Variants in CLEC19A observed in about 807,000 individuals in gnomAD.
CLEC19A encodes C-type lectin domain containing 19A.
A neutral mutation model predicts 26.1 loss-of-function variants in CLEC19A; 21 were observed. The observed-to-expected ratio is 0.80, with a 90% CI of 0.57 to 1.16. The LOEUF is 1.16. Ranked by LOEUF, CLEC19A falls within the 50% of genes most tolerant of loss-of-function variation. The probability of loss-of-function intolerance (pLI) is 0.00; values close to 1 mark genes in which losing one functional copy is unlikely to be tolerated. For missense variants in CLEC19A, 224 were observed against 227.6 expected, an observed-to-expected ratio of 0.98 and a Z score of 0.10; for synonymous variants, 89 against 88.6, an observed-to-expected ratio of 1.00 and a Z score of -0.03.
At chr16:19,306,746 A>C (rs961421750) in intron 3 of CLEC19A, among the ~76,000 whole-genome samples, 2 of 145,704 alleles carry the variant, frequency 1.4e-5, no homozygotes, top group Admixed American at 1.4e-4. Context: ...ACTCCACCAC[A>C]CAGATGTGGA....
rs1898053051 is a variant in CLEC19A, at chr16:19,310,731, G to A, written c.*1648G>A. On this transcript the variant is annotated 3_prime_UTR_variant, in exon 5 of 5. Coordinates refer to ENST00000636231, the MANE Select transcript of CLEC19A (RefSeq NM_001256720.2). ...CCATATATATGAAATATCCAGAATA[G>A]GCAAGTCTATAGAGATGGAAAGTGG... 6.6e-6 allele frequency: 1 copy of A among 152,196 alleles called. No homozygotes were observed. The highest frequency in any genetic ancestry group is 2.1e-4 in the South Asian group (1 of 4,820). The allele number at this position is 152,196 out of a possible 1,614,324, so 9.4% of individuals were successfully genotyped here.
At chr16:19,300,525 G>C (rs1400669958) in intron 2 of CLEC19A, among the ~76,000 whole-genome samples, 1 of 149,964 alleles carries the variant, frequency 6.7e-6, no homozygotes, top group African/African-American at 2.5e-5. Context: ...TCCAGTCTAG[G>C]TGACAGAGCG....
chr16:19,307,757 G>A, intron 4 of CLEC19A, 80 bp downstream of exon 4: 1 of 1,516,116 alleles, frequency 6.6e-7, no homozygotes, highest in Non-Finnish European at 8.9e-7. Flanking sequence ...AGGGCCTTGG[G>A]GGAAGAGGAG....
rs532790206 is a variant in CLEC19A at position 19,288,311 on chromosome 16, G to C, written c.88+2372G>C. Among the ~76,000 whole-genome samples the C allele has an allele frequency of 2.6e-5, 4 of 152,292 alleles. No homozygotes were observed. The East Asian group carries it at 7.7e-4, about 29-fold the overall frequency. On this transcript the variant is annotated intron_variant, in intron 1 of 4. Coordinates refer to ENST00000636231, the MANE Select transcript of CLEC19A (RefSeq NM_001256720.2). ...TGGGCAGGAGCGTGTGTGTTGGTAT[G>C]TTGTAGGGAGGATTTAGGGGTCTCT...
rs756851567 is a variant in CLEC19A, at chr16:19,304,137, C to T, written c.330C>T (p.Gly110=). The change falls in exon 3 of 5, where the codon GGC becomes GGT. Residue 110 remains glycine, a synonymous_variant. Transcript: ENST00000636231. ...GCATCCCAGCTGACGTCTGGACAGGCCTTCATGATCACAGACAGGTGAGAA... is the reference window on the plus strand; with the variant it reads ...GCATCCCAGCTGACGTCTGGACAGGTCTTCATGATCACAGACAGGTGAGAA... ...VPGIPADVWT[G]LHDHRQEGQF... is the part of the protein sequence containing the mutation. The T allele has an allele frequency of 2.1e-5, 32 of 1,550,478 alleles. No individual in the cohort carries two copies. Among genetic ancestry groups the T allele is most frequent in the Non-Finnish European group, 2.6e-5 (30 of 1,146,970 alleles).
rs1388589376 is a variant in CLEC19A at position 19,309,837 on chromosome 16, T to G, written c.*754T>G. 1.3e-5 allele frequency: 2 copies of G among 151,312 alleles called. No homozygotes were observed. Among genetic ancestry groups the G allele is most frequent in the African/African-American group, 4.9e-5 (2 of 41,138 alleles). 9.4% of individuals were successfully genotyped at this position (151,312 alleles called of 1,614,324 possible). On this transcript the variant is annotated 3_prime_UTR_variant, in exon 5 of 5. Coordinates refer to ENST00000636231, the MANE Select transcript of CLEC19A (RefSeq NM_001256720.2). ...TTTTTTTTTTTAAATAGAGACGAGG[T>G]TTCATCATGTCATCCAAGCTGGTTT...
At chr16:19,286,331 A>G (rs982108901) in intron 1 of CLEC19A, among the ~76,000 whole-genome samples, 6 of 152,196 alleles carry the variant, frequency 3.9e-5, no homozygotes, top group African/African-American at 1.4e-4. Flanking sequence ...TTTGTGAGGG[A>G]TTTGGCATCT....
rs1898050483 is a variant in CLEC19A, at chr16:19,310,623, T to C, written c.*1540T>C. ...AATATTATTCAAGCATAAAAAGGAA[T>C]GAAGTAACGATAGATACTACAACCT... On this transcript the variant is annotated 3_prime_UTR_variant, in exon 5 of 5. Coordinates refer to ENST00000636231, the MANE Select transcript of CLEC19A (RefSeq NM_001256720.2). The C allele has an allele frequency of 6.6e-6, 1 of 152,118 alleles. No homozygotes were observed. The highest frequency in any genetic ancestry group is 1.5e-5 in the Non-Finnish European group (1 of 68,018). 9.4% of individuals were successfully genotyped at this position (152,118 alleles called of 1,614,324 possible). A position where few individuals can be genotyped will look rare whatever the true frequency, so the allele number is the denominator to read the frequency against.
Position 19,309,232 on chromosome 16 carries a change from G to C in CLEC19A, c.*149G>C. 1.7e-6 allele frequency: 1 copy of C among 579,460 alleles called. No homozygotes were observed. Among genetic ancestry groups the C allele is most frequent in the Non-Finnish European group, 2.9e-6 (1 of 344,414 alleles). 35.9% of individuals were successfully genotyped at this position (579,460 alleles called of 1,614,324 possible). A position where few individuals can be genotyped will look rare whatever the true frequency, so the allele number is the denominator to read the frequency against. On this transcript the variant is annotated 3_prime_UTR_variant, in exon 5 of 5. Transcript: ENST00000636231. The stretch of plus-strand genomic sequence containing the variant: ...TAAACAAGCAGATCTTAATTATACA[G>C]GGTGGTCACTTGGCCAAGTGTCAGG...
rs1381313094 is a variant in CLEC19A at position 19,285,988 on chromosome 16, C to T, written c.88+49C>T. On this transcript the variant is annotated intron_variant, in intron 1 of 4. Transcript: ENST00000636231. Reference sequence around the variant, plus strand: ...GAGCAGGTGGAGAGGAGTACACTCTCAGGAACTTATTCTATCGGTGAGGCC... The same window carrying T: ...GAGCAGGTGGAGAGGAGTACACTCTTAGGAACTTATTCTATCGGTGAGGCC... The T allele has an allele frequency of 3.3e-6, 5 of 1,521,946 alleles. No individual in the cohort carries two copies. In the South Asian group the frequency reaches 4.8e-5, roughly 15 times the overall value. 94.3% of individuals were successfully genotyped at this position (1,521,946 alleles called of 1,614,324 possible).
In CLEC19A at chr16:19,309,995, G is replaced by C. The variant is rs889655172; in HGVS notation, c.*912G>C. 1.3e-5 allele frequency: 2 copies of C among 152,058 alleles called. No individual in the cohort carries two copies. The highest frequency in any genetic ancestry group is 1.5e-5 in the Non-Finnish European group (1 of 68,020). The allele number at this position is 152,058 out of a possible 1,614,324, so 9.4% of individuals were successfully genotyped here. A position where few individuals can be genotyped will look rare whatever the true frequency, so the allele number is the denominator to read the frequency against. ...AACACATGGGCTCAAAGATGAGGCT[G>C]GTTCTTCAAAGGAAAACAAAAAGAT... On this transcript the variant is annotated 3_prime_UTR_variant, in exon 5 of 5. Coordinates refer to ENST00000636231, the MANE Select transcript of CLEC19A (RefSeq NM_001256720.2).
At chr16:19,298,965 G>A in intron 2 of CLEC19A, 127 bp downstream of exon 2, 2 of 1,054,794 alleles carry the variant, frequency 1.9e-6, no homozygotes, top group Non-Finnish European at 2.7e-6. Context: ...TGGAGATGGA[G>A]TCTTGCTATG....
At chr16:19,292,076 C>A (rs2143008871) in intron 1 of CLEC19A, among the ~76,000 whole-genome samples, 1 of 152,312 alleles carries the variant, frequency 6.6e-6, no homozygotes, top group South Asian at 2.1e-4. Context: ...CCCTTTTCCC[C>A]TTCTCACTCC....
chr16:19,301,182 T>C (rs1348422043), intron 2 of CLEC19A, among the ~76,000 whole-genome samples: 4 of 152,194 alleles, frequency 2.6e-5, no homozygotes, highest in Non-Finnish European at 5.9e-5. Flanking sequence ...TAGACAGCCC[T>C]CATTGTACTT....
intron 2 of CLEC19A, among the ~76,000 whole-genome samples, chr16:19,301,724 C>A (rs1469705931): frequency 1.0e-5 from 1 of 96,774 alleles, no homozygotes; most frequent in Non-Finnish European, 2.1e-5. Flanking sequence ...ACACCATGCC[C>A]AGGTTTTTTT....
Position 19,303,046 on chromosome 16 carries a change from T to C in CLEC19A, c.255-1016T>C, listed in dbSNP as rs112908020. Among the ~76,000 whole-genome samples, 386 of 152,286 alleles carry C rather than the reference T, an allele frequency of 2.5e-3. 2 individuals are homozygous for C. Among genetic ancestry groups the C allele is most frequent in the Non-Finnish European group, 4.5e-3 (305 of 68,016 alleles). On this transcript the variant is annotated intron_variant, in intron 2 of 4. Transcript: ENST00000636231. The stretch of plus-strand genomic sequence containing the variant: ...AATAAAATTTGGCTTTTCTGGGTCA[T>C]AATGAAGGCAATGGGGTAAGGGATT...
At chr16:19,306,737 C>G (rs1428235017) in intron 3 of CLEC19A, among the ~76,000 whole-genome samples, 1 of 148,924 alleles carries the variant, frequency 6.7e-6, no homozygotes, top group Non-Finnish European at 1.5e-5. Flanking sequence ...GACACATTAA[C>G]TCCACCACAC....
intron 1 of CLEC19A, among the ~76,000 whole-genome samples, chr16:19,293,114 G>A (rs1424094522): frequency 1.3e-5 from 2 of 152,192 alleles, no homozygotes; most frequent in Non-Finnish European, 2.9e-5. Context: ...AAATTGATTG[G>A]TTGTAAAGAG....
At chr16:19,304,330 G>T in intron 3 of CLEC19A, 175 bp downstream of exon 3, 1 of 529,490 alleles carries the variant, frequency 1.9e-6, no homozygotes, top group Non-Finnish European at 3.5e-6. Context: ...GACATTTAAT[G>T]ATGTCCTACT....
Sources: gnomAD v4.1 joint callset for allele counts (sites outside exome capture counted in the v4.1 genomes callset) on GRCh38, gnomAD v4.1.1 for gene constraint, MANE v1.5 for transcripts, NCBI Gene and HGNC (gene_info 2026-07-23, HGNC 2026-07-21) for gene names.